The following RBKS variants were observed in gnomAD, a reference collection of about 807,000 sequenced individuals.
RBKS encodes the protein ribokinase.
A neutral mutation model predicts 33.9 loss-of-function variants in RBKS; 33 were observed. The observed-to-expected ratio is 0.97, with a 90% CI of 0.74 to 1.30. RBKS has a LOEUF of 1.30. RBKS is among the 50% of genes most tolerant of loss of function. RBKS has a pLI of 0.00. For missense variants in RBKS, 361 were observed against 392.6 expected (o/e 0.92, Z 0.68); for synonymous variants, 125 against 143.0 (o/e 0.87, Z 0.90).
chr2:27,796,342 T>C (rs1386689507), intron 7 of RBKS, among the ~76,000 whole-genome samples: 1 of 152,224 alleles, frequency 6.6e-6, no homozygotes, highest in African/African-American at 2.4e-5. Context: ...ATAGTTCTCA[T>C]TGATACAACA....
intron 2 of RBKS, among the ~76,000 whole-genome samples, chr2:27,849,594 A>G (rs867678585): frequency 2.3e-5 from 3 of 131,616 alleles, no homozygotes; most frequent in Admixed American, 1.4e-4. Flanking sequence ...AAAGAAAAAG[A>G]AAAAAAGAAA....
At chr2:27,831,111 G>C (rs1317065923) in intron 6 of RBKS, among the ~76,000 whole-genome samples, 1 of 152,182 alleles carries the variant, frequency 6.6e-6, no homozygotes, top group African/African-American at 2.4e-5. Flanking sequence ...TCGCGTGGGA[G>C]AGTCAAACCA....
intron 7 of RBKS, among the ~76,000 whole-genome samples, chr2:27,821,619 T>C (rs1678212200): frequency 6.6e-6 from 1 of 152,180 alleles, no homozygotes; most frequent in Non-Finnish European, 1.5e-5. Flanking sequence ...AAAGTATGTA[T>C]TAATTTCACA....
intron 7 of RBKS, among the ~76,000 whole-genome samples, chr2:27,826,546 C>T (rs1678317376): frequency 2.0e-5 from 3 of 152,010 alleles, no homozygotes; most frequent in Non-Finnish European, 2.9e-5. Context: ...GTAGCTGAGA[C>T]TACAGGTGTG....
At chr2:27,862,433 C>T (rs1439354257) in intron 1 of RBKS, among the ~76,000 whole-genome samples, 1 of 152,036 alleles carries the variant, frequency 6.6e-6, no homozygotes, top group Non-Finnish European at 1.5e-5. Flanking sequence ...GTGTATTATA[C>T]GATACCACTT....
chr2:27,792,380 C>G (rs1677551496), intron 7 of RBKS, among the ~76,000 whole-genome samples: 2 of 152,168 alleles, frequency 1.3e-5, no homozygotes, highest in African/African-American at 4.8e-5. Context: ...ACATCTCTCT[C>G]ATAAGGATTT....
chr2:27,829,137 C>G (rs768760909), intron 6 of RBKS, among the ~76,000 whole-genome samples: 1 of 152,130 alleles, frequency 6.6e-6, no homozygotes, highest in Non-Finnish European at 1.5e-5. Context: ...TCATGTGATT[C>G]AACTGCTTTG....
chr2:27,802,025 A>C (rs1405869081), intron 7 of RBKS, among the ~76,000 whole-genome samples: 2 of 97,202 alleles, frequency 2.1e-5, no homozygotes, highest in Non-Finnish European at 3.8e-5. Flanking sequence ...TTTTTTAGAG[A>C]GAGAGTCTTG....
At chr2:27,809,122 C>A (rs531994397) in intron 7 of RBKS, among the ~76,000 whole-genome samples, 3 of 152,380 alleles carry the variant, frequency 2.0e-5, no homozygotes, top group African/African-American at 7.2e-5. Flanking sequence ...TGCCCAGCAG[C>A]CTTATGGTGA....
intron 2 of RBKS, among the ~76,000 whole-genome samples, chr2:27,852,366 CA>C (rs1227079337): frequency 6.6e-6 from 1 of 152,054 alleles, no homozygotes; most frequent in Non-Finnish European, 1.5e-5. Flanking sequence ...GACAATGCAG[CA>C]AGGGTCATGG....
In RBKS at chr2:27,805,012, T is replaced by TA. The variant is rs754170577; in HGVS notation, c.795+22554dup. 4.5e-3 allele frequency among the ~76,000 whole-genome samples: 632 copies of TA among 140,664 alleles called. 1 individual carries two copies. Among genetic ancestry groups the TA allele is most frequent in the African/African-American group, 0.013 (484 of 38,152 alleles). The allele number at this position is 140,664 out of a possible 152,430, so 92.3% of individuals were successfully genotyped here. On this transcript the variant is annotated intron_variant, in intron 7 of 7. Coordinates refer to ENST00000302188, the MANE Select transcript of RBKS (RefSeq NM_022128.3). ...CCTGGGTGACAGTGAGACCTTGTCT[T>TA]AAAAAAAAAAAAAAATCCTATGATG...
intron 4 of RBKS, 89 bp downstream of exon 4, chr2:27,846,953 A>G: frequency 2.2e-6 from 2 of 899,876 alleles, no homozygotes; most frequent in Admixed American, 3.7e-5. Context: ...TAAGAGGTCC[A>G]TAGGATTATG....
chr2:27,890,285 C>T lies in RBKS; in HGVS notation c.61G>A (p.Val21Met). Residue 21 changes from valine to methionine, a missense_variant, in exon 1 of 8, where the codon GTG (valine) becomes ATG (methionine). Coordinates refer to ENST00000302188, the MANE Select transcript of RBKS (RefSeq NM_022128.3). This position sits in a 1 kb window ranked among gnomAD's most constrained non-coding sequence, Gnocchi z 4.8. The stretch of plus-strand genomic sequence containing the variant: ...ACCAGGTCGGTCATGCAGGAGCCCA[C>T]CACTACCACCGCCGCCACCTCCTCT... ...WQEEVAAVVV[V>M]GSCMTDLVSL... The T allele has an allele frequency of 6.2e-7, 1 of 1,613,876 alleles. No homozygotes were observed. Among genetic ancestry groups the T allele is most frequent in the Non-Finnish European group, 8.5e-7 (1 of 1,180,022 alleles).
At chr2:27,884,430 G>T (rs1048104197) in intron 1 of RBKS, among the ~76,000 whole-genome samples, 5 of 151,998 alleles carry the variant, frequency 3.3e-5, no homozygotes, top group African/African-American at 9.7e-5. Context: ...TATTTTTTGC[G>T]GAGACCGGGT....
intron 7 of RBKS, among the ~76,000 whole-genome samples, chr2:27,816,269 T>C (rs1252119962): frequency 2.6e-5 from 4 of 152,242 alleles, no homozygotes; most frequent in Non-Finnish European, 5.9e-5. Context: ...TGAGGTGATC[T>C]GTTGATGTGG....
At chr2:27,785,213 GT>G (rs1677374153) in intron 7 of RBKS, among the ~76,000 whole-genome samples, 1 of 151,968 alleles carries the variant, frequency 6.6e-6, no homozygotes, top group African/African-American at 2.4e-5. Flanking sequence ...AAAATAACAG[GT>G]TTTTAATTTT....
At position 27,795,175 on chromosome 2, in the gene RBKS, G is replaced by A. The variant is rs1382902341; in HGVS notation, c.796-13387C>T. ...AGTTTTACAATCCCTTAAAAGTCCTGTGTGTTCAATTAATGCTTGCTGATG... is the reference window on the plus strand; with the variant it reads ...AGTTTTACAATCCCTTAAAAGTCCTATGTGTTCAATTAATGCTTGCTGATG... On this transcript the variant is annotated intron_variant, in intron 7 of 7. Transcript: ENST00000302188. This position sits in a 1 kb window ranked among gnomAD's most constrained non-coding sequence, Gnocchi z 4.1. Among the ~76,000 whole-genome samples, 7 of 152,174 alleles carry A rather than the reference G, an allele frequency of 4.6e-5. No homozygotes were observed. Among genetic ancestry groups the A allele is most frequent in the African/African-American group, 1.7e-4 (7 of 41,446 alleles).
chr2:27,889,369 A>T (rs1361249212), intron 1 of RBKS, among the ~76,000 whole-genome samples: 1 of 152,206 alleles, frequency 6.6e-6, no homozygotes, highest in Admixed American at 6.5e-5. Context: ...AGCATACCTG[A>T]TCATTTTTAT....
chr2:27,801,963 A>AAATATATATATAT (rs1308232858), intron 7 of RBKS, among the ~76,000 whole-genome samples: 1 of 47,622 alleles, frequency 2.1e-5, no homozygotes, highest in African/African-American at 8.1e-5. Flanking sequence ...AAAAAAAAAA[A>AAATATATATATAT]ATATATATAT....
Sources: gnomAD v4.1 joint callset for allele counts (sites outside exome capture counted in the v4.1 genomes callset) on GRCh38, gnomAD v4.1.1 for gene constraint, Gnocchi (gnomAD v3.1) non-coding constraint, MANE v1.5 for transcripts, NCBI Gene and HGNC (gene_info 2026-07-23, HGNC 2026-07-21) for gene names.